ELAPOR2: variants seen among roughly 807,000 people sequenced by gnomAD.
ELAPOR2 encodes endosome-lysosome associated apoptosis and autophagy regulator family member 2, also known as endosome/lysosome-associated apoptosis and autophagy regulator family member 2.
Under a neutral mutation model 120.7 loss-of-function variants are expected in ELAPOR2, and 89 were observed. The observed-to-expected ratio is 0.74, with a 90% CI of 0.62 to 0.88. The LOEUF is 0.88. Ranked by LOEUF, ELAPOR2 falls within the 40% of genes least tolerant of loss-of-function variation. The pLI, the probability that ELAPOR2 is intolerant of heterozygous loss-of-function variation, is 0.00. For missense variants in ELAPOR2, 1,134 were observed against 1,251.6 expected, an observed-to-expected ratio of 0.91 and a Z score of 1.42; for synonymous variants, 444 against 444.9, an observed-to-expected ratio of 1.00 and a Z score of 0.03.
At chr7:87,045,848 A>T (rs1395596424) in intron 1 of ELAPOR2, among the ~76,000 whole-genome samples, 2 of 152,064 alleles carry the variant, frequency 1.3e-5, no homozygotes, top group African/African-American at 4.8e-5. Context: ...AGCTAGTATC[A>T]TACCAAATGG....
chr7:86,938,740 G>C, intron 7 of ELAPOR2, 68 bp downstream of exon 7: 1 of 1,543,650 alleles, frequency 6.5e-7, no homozygotes, highest in Non-Finnish European at 8.9e-7. Flanking sequence ...GGTGACTTCT[G>C]GTTTATAAAT....
intron 1 of ELAPOR2, among the ~76,000 whole-genome samples, chr7:87,040,599 C>G (rs1794750874): frequency 6.6e-6 from 1 of 152,056 alleles, no homozygotes; most frequent in African/African-American, 2.4e-5. Flanking sequence ...ACATCCACAC[C>G]AAAAACCCAT....
At chr7:86,905,321 TA>T (rs374202565) in intron 18 of ELAPOR2, among the ~76,000 whole-genome samples, 105 of 146,872 alleles carry the variant, frequency 7.1e-4, no homozygotes, top group African/African-American at 2.5e-3. Flanking sequence ...ACCTCACTGC[TA>T]AAAAAAAACC....
chr7:86,892,414 A>G (rs184048038), intron 20 of ELAPOR2, among the ~76,000 whole-genome samples: 2 of 152,208 alleles, frequency 1.3e-5, no homozygotes, highest in South Asian at 2.1e-4. Context: ...TTCAAGTCCT[A>G]TAAGAGATCA....
chr7:87,018,277 G>C (rs1244720043), intron 1 of ELAPOR2, among the ~76,000 whole-genome samples: 1 of 152,078 alleles, frequency 6.6e-6, no homozygotes, highest in Non-Finnish European at 1.5e-5. Flanking sequence ...CTGACCTCGT[G>C]ATCTACCCGC....
chr7:86,948,938 A>G (rs1319822134), intron 2 of ELAPOR2, among the ~76,000 whole-genome samples: 2 of 152,222 alleles, frequency 1.3e-5, no homozygotes, highest in Non-Finnish European at 2.9e-5. Flanking sequence ...CAGAGTGTAA[A>G]GCAGCAAAGT....
Position 86,945,062 on chromosome 7 carries a change from C to A in ELAPOR2, c.507-16G>T. The A allele has an allele frequency of 6.5e-7, 1 of 1,545,242 alleles. No homozygotes were observed. Among genetic ancestry groups the A allele is most frequent in the East Asian group, 2.5e-5 (1 of 40,694 alleles). ...CCAAGAAGAGCTGTGGAAACAAAAC[C>A]AAGAAGCACTTTACATTAATGTTCT... On this transcript the variant is annotated splice_polypyrimidine_tract_variant and intron_variant, in intron 3 of 21. Transcript: ENST00000450689.
intron 1 of ELAPOR2, among the ~76,000 whole-genome samples, chr7:86,985,442 TA>T (rs1792690767): frequency 6.6e-6 from 1 of 152,156 alleles, no homozygotes; most frequent in Non-Finnish European, 1.5e-5. Flanking sequence ...AAATCCTCAA[TA>T]AAATACTGGC....
intron 21 of ELAPOR2, 121 bp downstream of exon 21, chr7:86,891,603 G>A: frequency 1.4e-6 from 1 of 729,042 alleles, no homozygotes; most frequent in African/African-American, 1.8e-5. Flanking sequence ...ATTTCTGTTG[G>A]ATAAATACCC....
intron 1 of ELAPOR2, among the ~76,000 whole-genome samples, chr7:87,044,652 C>A (rs191671477): frequency 1.3e-5 from 2 of 151,966 alleles, no homozygotes; most frequent in African/African-American, 4.8e-5. Flanking sequence ...ACCATAAAAA[C>A]CCTAGAAGAA....
intron 21 of ELAPOR2, among the ~76,000 whole-genome samples, chr7:86,888,335 A>G (rs927890690): frequency 1.3e-5 from 2 of 152,110 alleles, no homozygotes; most frequent in Non-Finnish European, 2.9e-5. Flanking sequence ...AGCACTGGAA[A>G]GAGACAACAA....
intron 1 of ELAPOR2, among the ~76,000 whole-genome samples, chr7:87,002,427 T>C (rs986208367): frequency 6.6e-6 from 1 of 152,154 alleles, no homozygotes; most frequent in African/African-American, 2.4e-5. Context: ...CTGATGCCAG[T>C]GATATATAAT....
intron 1 of ELAPOR2, among the ~76,000 whole-genome samples, chr7:86,982,042 G>A (rs1792516920): frequency 6.6e-6 from 1 of 152,258 alleles, no homozygotes; most frequent in Non-Finnish European, 1.5e-5. Context: ...CATGCCCACA[G>A]AGCCTTGCTC....
At chr7:86,907,639 G>T in intron 18 of ELAPOR2, 31 bp downstream of exon 18, 2 of 1,369,188 alleles carry the variant, frequency 1.5e-6, no homozygotes, top group Non-Finnish European at 2.0e-6. Context: ...CTTCCTCATG[G>T]TAAACACAAA....
At chr7:87,028,166 A>C (rs150652470) in intron 1 of ELAPOR2, among the ~76,000 whole-genome samples, 1 of 152,112 alleles carries the variant, frequency 6.6e-6, no homozygotes, top group African/African-American at 2.4e-5. Context: ...CCTCAAAACA[A>C]GTGTCTGTTC....
At chr7:86,901,778 A>T (rs1788738399) in intron 18 of ELAPOR2, among the ~76,000 whole-genome samples, 1 of 152,162 alleles carries the variant, frequency 6.6e-6, no homozygotes, top group South Asian at 2.1e-4. Flanking sequence ...TCAGACTGGC[A>T]TTAGTGCTGT....
intron 1 of ELAPOR2, among the ~76,000 whole-genome samples, chr7:87,014,551 C>T (rs932009328): frequency 1.3e-5 from 2 of 152,128 alleles, no homozygotes; most frequent in African/African-American, 2.4e-5. Flanking sequence ...ACACCACATC[C>T]ACTCTATCAA....
At chr7:86,901,454 T>C (rs1379675595) in intron 18 of ELAPOR2, among the ~76,000 whole-genome samples, 1 of 152,254 alleles carries the variant, frequency 6.6e-6, no homozygotes, top group Admixed American at 6.5e-5. Flanking sequence ...GTTTGTATTA[T>C]GAATTCATGG....
intron 2 of ELAPOR2, among the ~76,000 whole-genome samples, chr7:86,950,139 G>A (rs540032998): frequency 2.0e-5 from 3 of 152,172 alleles, no homozygotes; most frequent in Non-Finnish European, 2.9e-5. Flanking sequence ...GCTGAGAGCT[G>A]AACAGTAGCT....
Sources: allele counts gnomAD v4.1 joint callset (sites outside exome capture counted in the v4.1 genomes callset), GRCh38; gene constraint gnomAD v4.1.1; transcripts MANE v1.5; gene names NCBI Gene and HGNC (gene_info 2026-07-23, HGNC 2026-07-21).